The following ABHD2 variants were observed in gnomAD, a reference collection of about 807,000 sequenced individuals.
ABHD2 encodes monoacylglycerol lipase ABHD2.
ABHD2 carries 20 observed loss-of-function variants against 48.1 expected under a neutral mutation model. The observed-to-expected ratio is 0.42, with a 90% CI of 0.29 to 0.60. The LOEUF is 0.60. Among genes scored for constraint, ABHD2 ranks in the 20% least tolerant of loss-of-function variants. ABHD2 has a pLI of 0.24. For missense variants in ABHD2, 405 were observed against 550.9 expected (o/e 0.74, Z 2.65); for synonymous variants, 209 against 214.2 (o/e 0.98, Z 0.21).
chr15:89,134,592 T>G lies in ABHD2; in HGVS notation c.195-17085T>G, dbSNP rs934862068. Among the ~76,000 whole-genome samples the G allele has an allele frequency of 4.6e-4, 70 of 152,208 alleles. 1 individual carries two copies. Among genetic ancestry groups the G allele is most frequent in the African/African-American group, 1.5e-3 (64 of 41,442 alleles). On this transcript the variant is annotated intron_variant, in intron 3 of 10. Coordinates refer to ENST00000352732, the MANE Select transcript of ABHD2 (RefSeq NM_152924.5). ...CCAGCACTGCTTGTTTTCATACTTT[T>G]CTTGGCTATTATAGCTGGTTCATTT...
intron 3 of ABHD2, among the ~76,000 whole-genome samples, chr15:89,148,218 AG>A (rs983441139): frequency 6.6e-6 from 1 of 152,058 alleles, no homozygotes; most frequent in Admixed American, 6.6e-5. Flanking sequence ...GGCTTAATGT[AG>A]GGATAATAAA....
At chr15:89,052,550 G>GACAC in the ABHD2 span, among the ~76,000 whole-genome samples, 27 of 107,432 alleles carry the variant, frequency 2.5e-4, no homozygotes, top group African/African-American at 6.0e-4. Context: ...CAGACAGACA[G>GACAC]ACAGACAGAC....
Position 89,116,542 on chromosome 15 carries a change from C to T in ABHD2, c.194+21C>T, listed in dbSNP as rs540218878. ...AAAGAGTGAGTAGACCTCATGCCCT[C>T]TGTATGCTCAGCTGCTGATGTATTT... On this transcript the variant is annotated intron_variant, in intron 3 of 10. Coordinates refer to ENST00000352732, the MANE Select transcript of ABHD2 (RefSeq NM_152924.5). The surrounding 1 kb of genome is among the most constrained non-coding windows in gnomAD (Gnocchi z 4.6). The T allele has an allele frequency of 6.2e-7, 1 of 1,601,224 alleles. No homozygotes were observed. The highest frequency in any genetic ancestry group is 1.7e-5 in the Admixed American group (1 of 58,136).
In ABHD2 at chr15:89,091,592, C is replaced by T. The variant is rs1901599658; in HGVS notation, c.-107+3029C>T. 6.6e-6 allele frequency among the ~76,000 whole-genome samples: 1 copy of T among 152,190 alleles called. No homozygotes were observed. Among genetic ancestry groups the T allele is most frequent in the East Asian group, 1.9e-4 (1 of 5,202 alleles). ...TGTAGTGGTTCTCACTGCCCTTGTT[C>T]AGAGCTCCTGCCCCGAGCAGGAAAT... On this transcript the variant is annotated intron_variant, in intron 1 of 10. Transcript: ENST00000352732. The surrounding 1 kb of genome is among the most constrained non-coding windows in gnomAD (Gnocchi z 5.5).
At chr15:89,063,596 G>T in the ABHD2 span, among the ~76,000 whole-genome samples, 3 of 151,830 alleles carry the variant, frequency 2.0e-5, no homozygotes, top group Admixed American at 1.3e-4. Context: ...AGAGAAAGGG[G>T]AGTATTCATA....
At chr15:89,068,349 G>T in the ABHD2 span, among the ~76,000 whole-genome samples, 1 of 152,190 alleles carries the variant, frequency 6.6e-6, no homozygotes, top group South Asian at 2.1e-4. Flanking sequence ...CAGGAAATTA[G>T]ACAGCAACTA....
rs943743764 is a variant in ABHD2, at chr15:89,104,385, C to G, written c.-106-9340C>G. ...CTGAATTGGCAGGGGAGGAGAGGGT[C>G]GTGGCCCATTGGTCATTGGTCGGGT... On this transcript the variant is annotated intron_variant, in intron 1 of 10. Coordinates refer to ENST00000352732, the MANE Select transcript of ABHD2 (RefSeq NM_152924.5). The surrounding 1 kb of genome is among the most constrained non-coding windows in gnomAD (Gnocchi z 4.4). 1 of 152,174 alleles carries G rather than the reference C, an allele frequency of 6.6e-6. No individual in the cohort carries two copies. The highest frequency in any genetic ancestry group is 2.4e-5 in the African/African-American group (1 of 41,440). The allele number at this position is 152,174 out of a possible 1,614,324, so 9.4% of individuals were successfully genotyped here. A position where few individuals can be genotyped will look rare whatever the true frequency, so the allele number is the denominator to read the frequency against.
At chr15:89,065,029 G>A in the ABHD2 span, among the ~76,000 whole-genome samples, 1 of 152,026 alleles carries the variant, frequency 6.6e-6, no homozygotes, top group African/African-American at 2.4e-5. Flanking sequence ...ATATGAGTAT[G>A]TACATTCCTC....
the ABHD2 span, among the ~76,000 whole-genome samples, chr15:89,053,742 T>G: frequency 2.0e-5 from 3 of 152,096 alleles, no homozygotes; most frequent in Admixed American, 2.0e-4. Flanking sequence ...AAGGCAAAAA[T>G]GGGCAAAGAC....
Position 89,195,261 on chromosome 15 carries a change from G to T in ABHD2, c.1116G>T (p.Leu372=). The T allele has an allele frequency of 9.9e-6, 16 of 1,614,154 alleles. No homozygotes were observed. The highest frequency in any genetic ancestry group is 1.4e-5 in the Non-Finnish European group (16 of 1,180,000). Residue 372 remains leucine, a synonymous_variant, in exon 11 of 11, where the codon CTG becomes CTT. Transcript: ENST00000352732. The surrounding 1 kb of genome is among the most constrained non-coding windows in gnomAD (Gnocchi z 5.1). ...AGAACGTCATGTTTGTGCTGCCTCT[G>T]CATGGGGGCCACTTGGGCTTCTTTG... ...KRENVMFVLP[L]HGGHLGFFEG...
chr15:89,061,486 T>C, the ABHD2 span, among the ~76,000 whole-genome samples: 6 of 152,268 alleles, frequency 3.9e-5, no homozygotes, highest in South Asian at 6.2e-4. Flanking sequence ...ATGGGTTCAA[T>C]AGAAGCTCAA....
chr15:89,079,887 T>A, the ABHD2 span, among the ~76,000 whole-genome samples: 1 of 152,206 alleles, frequency 6.6e-6, no homozygotes, highest in Non-Finnish European at 1.5e-5. This position sits in a 1 kb window ranked among gnomAD's most constrained non-coding sequence, Gnocchi z 4.3. Context: ...TATATCTCGC[T>A]GGGAGGGCGG....
chr15:89,050,237 A>T, the ABHD2 span, among the ~76,000 whole-genome samples: 1 of 152,162 alleles, frequency 6.6e-6, no homozygotes, highest in East Asian at 1.9e-4. Flanking sequence ...GAACCCAGAG[A>T]AGGATCACAG....
rs760158474 is a variant in ABHD2, at chr15:89,116,417, C to A, written c.90C>A (p.Val30=). ...TGGCTGCTGTGCTGTACGTGATCGT[C>A]CGGTGTTTGAACCTGAAGAGCCCCA... The part of the protein sequence containing the change: ...AAVAAVLYVI[V]RCLNLKSPTA... Residue 30 remains valine (V), a synonymous_variant, in exon 3 of 11, where the codon GTC becomes GTA. Coordinates refer to ENST00000352732, the MANE Select transcript of ABHD2 (RefSeq NM_152924.5). The surrounding 1 kb of genome is among the most constrained non-coding windows in gnomAD (Gnocchi z 4.6). 4.3e-6 allele frequency: 7 copies of A among 1,614,212 alleles called. No individual in the cohort carries two copies. In the South Asian group the frequency reaches 7.7e-5, roughly 18 times the overall value.
intron 3 of ABHD2, among the ~76,000 whole-genome samples, chr15:89,141,630 A>T (rs2050404631): frequency 6.6e-6 from 1 of 152,170 alleles, no homozygotes; most frequent in African/African-American, 2.4e-5. Flanking sequence ...CTCAAAAAAA[A>T]AAGTTAAAGC....
Position 89,100,168 on chromosome 15 carries a change from G to A in ABHD2, c.-107+11605G>A, listed in dbSNP as rs1163678034. Among the ~76,000 whole-genome samples the A allele has an allele frequency of 6.6e-6, 1 of 152,162 alleles. No homozygotes were observed. Among genetic ancestry groups the A allele is most frequent in the Non-Finnish European group, 1.5e-5 (1 of 68,040 alleles). On this transcript the variant is annotated intron_variant, in intron 1 of 10. Transcript: ENST00000352732. The surrounding 1 kb of genome is among the most constrained non-coding windows in gnomAD (Gnocchi z 4.4). ...AGGCAAGTCAAGACCAGACTAACCA[G>A]GCTTGAGGACCCAGACATTTGGCTC...
rs2050036240 is a variant in ABHD2, at chr15:89,120,718, C to T, written c.194+4197C>T. On this transcript the variant is annotated intron_variant, in intron 3 of 10. Coordinates refer to ENST00000352732, the MANE Select transcript of ABHD2 (RefSeq NM_152924.5). This position sits in a 1 kb window ranked among gnomAD's most constrained non-coding sequence, Gnocchi z 4.2. ...GTCAGGCTGGTCTTGAACTGTTGACCTCGTGATCCGCCCGCCTCGGCCTTC... is the reference window on the plus strand; with the variant it reads ...GTCAGGCTGGTCTTGAACTGTTGACTTCGTGATCCGCCCGCCTCGGCCTTC... 6.6e-6 allele frequency: 1 copy of T among 152,180 alleles called. No homozygotes were observed. Among genetic ancestry groups the T allele is most frequent in the Non-Finnish European group, 1.5e-5 (1 of 68,062 alleles). The allele number at this position is 152,180 out of a possible 1,614,324, so 9.4% of individuals were successfully genotyped here.
intron 1 of ABHD2, among the ~76,000 whole-genome samples, chr15:89,110,985 G>T (rs901494099): frequency 6.6e-6 from 1 of 152,098 alleles, no homozygotes; most frequent in African/African-American, 2.4e-5. Flanking sequence ...GCCACTGGGC[G>T]TAAGAGCACA....
At chr15:89,170,259 G>C (rs1233006636) in intron 5 of ABHD2, among the ~76,000 whole-genome samples, 1 of 151,334 alleles carries the variant, frequency 6.6e-6, no homozygotes, top group Non-Finnish European at 1.5e-5. Flanking sequence ...CCACTGCCTG[G>C]ATAATTTTTG....
Sources: gnomAD v4.1 joint callset for allele counts (sites outside exome capture counted in the v4.1 genomes callset) on GRCh38, gnomAD v4.1.1 for gene constraint, Gnocchi (gnomAD v3.1) non-coding constraint, MANE v1.5 for transcripts, NCBI Gene and HGNC (gene_info 2026-07-23, HGNC 2026-07-21) for gene names.